The following TNXB variants were observed in gnomAD, a reference collection of about 807,000 sequenced individuals.
TNXB encodes the protein tenascin-X.
In TNXB, 183 loss-of-function variants were observed where a neutral mutation model predicts 340.5. That is an observed-to-expected ratio of 0.54 (90% CI 0.48 to 0.61). The LOEUF is 0.61. Among genes scored for constraint, TNXB ranks in the 20% least tolerant of loss-of-function variants. The probability of loss-of-function intolerance (pLI) is 0.00; values close to 1 mark genes in which losing one functional copy is unlikely to be tolerated. For missense variants in TNXB, 4,613 were observed against 5,446.4 expected (o/e 0.85, Z 4.82); for synonymous variants, 2,121 against 2,314.5 (o/e 0.92, Z 2.40).
chr6:32,050,462 C>T lies in TNXB; in HGVS notation c.9116-141G>A, dbSNP rs2982580. Reference sequence around the variant, plus strand: ...CAGCACAGCTCTTCATCCTCTCCTCCCCTGCGGCCTTTCCTATCCCTCACC... The same window carrying T: ...CAGCACAGCTCTTCATCCTCTCCTCTCCTGCGGCCTTTCCTATCCCTCACC... On this transcript the variant is annotated intron_variant, in intron 26 of 43. Transcript: ENST00000644971. The T allele has an allele frequency of 4.2e-3, 4,819 of 1,147,430 alleles. 140 individuals carry two copies. The East Asian group carries it at 0.075, about 18-fold the overall frequency. The allele number at this position is 1,147,430 out of a possible 1,614,324, so 71.1% of individuals were successfully genotyped here.
In TNXB at chr6:32,072,253, A is replaced by T; in HGVS notation, c.4727T>A (p.Leu1576Gln). 6.2e-7 allele frequency: 1 copy of T among 1,608,558 alleles called. No homozygotes were observed. Among genetic ancestry groups the T allele is most frequent in the South Asian group, 1.1e-5 (1 of 90,116 alleles). ...APATEASKPP[L>Q]EPRLGELTVT... ...TGTCAGCTCCCCTAGGCGTGGCTCC[A>T]GGGGAGGCTTGGAGGCCTCTGTGGC... The change falls in exon 13 of 44, where the codon CTG becomes CAG. Residue 1576 changes from leucine (L) to glutamine (Q), a missense_variant. By Grantham distance (113) the Leu-to-Gln change is moderately radical (BLOSUM62 -2). Transcript: ENST00000644971. This position sits in a 1 kb window ranked among gnomAD's most constrained non-coding sequence, Gnocchi z 4.4.
Position 32,058,471 on chromosome 6 carries a change from C to A in TNXB, c.7493-81G>T. On this transcript the variant is annotated intron_variant, in intron 21 of 43. Coordinates refer to ENST00000644971, the MANE Select transcript of TNXB (RefSeq NM_001365276.2). The surrounding 1 kb of genome is among the most constrained non-coding windows in gnomAD (Gnocchi z 5.1). Reference sequence around the variant, plus strand: ...GCTGGTGCTGTCAACAGAGGTCATACATCAAATGTGCCCCTCCAGAGCAGG... The same window carrying A: ...GCTGGTGCTGTCAACAGAGGTCATAAATCAAATGTGCCCCTCCAGAGCAGG... The A allele has an allele frequency of 8.1e-7, 1 of 1,227,140 alleles. No homozygotes were observed. The highest frequency in any genetic ancestry group is 1.6e-5 in the South Asian group (1 of 62,864). The allele number at this position is 1,227,140 out of a possible 1,614,324, so 76.0% of individuals were successfully genotyped here. A position where few individuals can be genotyped will look rare whatever the true frequency, so the allele number is the denominator to read the frequency against.
chr6:32,058,234 T>C lies in TNXB; in HGVS notation c.7649A>G (p.Asp2550Gly). ...GTCCTTGTACTGCACGGTGAAGGAG[T>C]CAAAGCGGCCCTGGGGGACGGTCCA... The part of the protein sequence containing the change: ...LSWTVPQGRF[D>G]SFTVQYKDRD... Residue 2550 changes from aspartate to glycine, a missense_variant, in exon 22 of 44, where the codon GAC becomes GGC. This residue lies in a region of TNXB where 4,327 missense variants were observed against 4,859.4 expected (regional missense o/e 0.89). Transcript: ENST00000644971. The surrounding 1 kb of genome is among the most constrained non-coding windows in gnomAD (Gnocchi z 5.1). The C allele has an allele frequency of 1.2e-6, 2 of 1,611,848 alleles. No homozygotes were observed. Among genetic ancestry groups the C allele is most frequent in the African/African-American group, 2.7e-5 (2 of 74,730 alleles).
In TNXB at chr6:32,041,395, A is replaced by G. The variant is rs1776374068; in HGVS notation, c.12689T>C (p.Met4230Thr). ...GFEFSVPFTE[M>T]KLRPRNFRSP... ...GCGAAAGTTTCTTGGTCTCAGCTTC[A>G]TTTCCGTGAAGGGCACCGAGAACTC... Residue 4230 changes from methionine (M) to threonine (T), a missense_variant, in exon 44 of 44, where the codon ATG becomes ACG. Physicochemically the swap from Met to Thr is moderately conservative, Grantham distance 81 (BLOSUM62 -1). Around this residue, in one of 7 missense-constraint regions of TNXB, gnomAD observed 18 missense variants for 60.7 expected, o/e 0.30. Transcript: ENST00000644971. 1 of 1,122,810 alleles carries G rather than the reference A, an allele frequency of 8.9e-7. No homozygotes were observed. Among genetic ancestry groups the G allele is most frequent in the Middle Eastern group, 2.1e-4 (1 of 4,674 alleles). The allele number at this position is 1,122,810 out of a possible 1,614,324, so 69.6% of individuals were successfully genotyped here. A position where few individuals can be genotyped will look rare whatever the true frequency, so the allele number is the denominator to read the frequency against.
At position 32,087,793 on chromosome 6, in the gene TNXB, A is replaced by G; in HGVS notation, c.2779+992T>C. On this transcript the variant is annotated intron_variant, in intron 6 of 43. Transcript: ENST00000644971. This position sits in a 1 kb window ranked among gnomAD's most constrained non-coding sequence, Gnocchi z 9.0. ...CTGCACCGTGCCGCGGAAACGGCTC[A>G]GCTCGGCCGTCAGGTTGCCCCAAGG... 1 of 510,802 alleles carries G rather than the reference A, an allele frequency of 2.0e-6. No individual in the cohort carries two copies. The highest frequency in any genetic ancestry group is 3.9e-6 in the Non-Finnish European group (1 of 257,272). 31.6% of individuals were successfully genotyped at this position (510,802 alleles called of 1,614,324 possible). A position where few individuals can be genotyped will look rare whatever the true frequency, so the allele number is the denominator to read the frequency against.
chr6:32,089,072 T>G lies in TNXB; in HGVS notation c.2516-24A>C. 1 of 1,600,748 alleles carries G rather than the reference T, an allele frequency of 6.2e-7. No homozygotes were observed. The highest frequency in any genetic ancestry group is 1.1e-5 in the South Asian group (1 of 89,754). On this transcript the variant is annotated intron_variant, in intron 5 of 43. Coordinates refer to ENST00000644971, the MANE Select transcript of TNXB (RefSeq NM_001365276.2). This position sits in a 1 kb window ranked among gnomAD's most constrained non-coding sequence, Gnocchi z 6.2. ...CACTAGCCAGGTTAAAGAGGAGGAC[T>G]CAGGTGGGTGTCTGGTTCTTCAATC...
chr6:32,053,343 G>A (rs761782486), intron 25 of TNXB, 45 bp downstream of exon 25: 1 of 1,589,162 alleles, frequency 6.3e-7, no homozygotes, highest in Non-Finnish European at 8.6e-7. Flanking sequence ...GAGAAAGGGA[G>A]ACCCTCCCAC....
Position 32,049,237 on chromosome 6 carries a change from A to G in TNXB, c.9757+33T>C. 1.3e-6 allele frequency: 2 copies of G among 1,593,140 alleles called. No individual in the cohort carries two copies. Among genetic ancestry groups the G allele is most frequent in the Non-Finnish European group, 1.7e-6 (2 of 1,167,718 alleles). On this transcript the variant is annotated intron_variant, in intron 28 of 43. Coordinates refer to ENST00000644971, the MANE Select transcript of TNXB (RefSeq NM_001365276.2). The surrounding 1 kb of genome is among the most constrained non-coding windows in gnomAD (Gnocchi z 4.5). The stretch of plus-strand genomic sequence containing the variant: ...GAAACACAAGGGGGCTGCAGAGGTA[A>G]ACCTGGGGACGAGGGCCTGTCCCCC...
Position 32,087,674 on chromosome 6 carries a change from G to A in TNXB, c.2779+1111C>T. On this transcript the variant is annotated intron_variant, in intron 6 of 43. Coordinates refer to ENST00000644971, the MANE Select transcript of TNXB (RefSeq NM_001365276.2). This position sits in a 1 kb window ranked among gnomAD's most constrained non-coding sequence, Gnocchi z 9.0. ...GCTGGGGCGGCGGCCAACAGACGCC[G>A]CTGCAAGTATTCATGGATGTGGCGC... is the stretch of plus-strand genomic sequence containing the variant. 2.2e-6 allele frequency: 1 copy of A among 446,852 alleles called. No individual in the cohort carries two copies. Among genetic ancestry groups the A allele is most frequent in the Non-Finnish European group, 4.5e-6 (1 of 223,042 alleles). The allele number at this position is 446,852 out of a possible 1,614,324, so 27.7% of individuals were successfully genotyped here.
At position 32,096,791 on chromosome 6, in the gene TNXB, G is replaced by C; in HGVS notation, c.1062C>G (p.Asp354Glu). The change falls in exon 3 of 44, where the codon GAC becomes GAG. Residue 354 changes from aspartate to glutamate, a missense_variant. Transcript: ENST00000644971. ...ACCCGGGCCAGCACACGCAGCGGCC[G>C]TCCACGCAGCGCCCGCCCTCGCCAC... ...WDCGEGGRCV[D>E]GRCVCWPGYT... The C allele has an allele frequency of 6.3e-7, 1 of 1,578,880 alleles. No individual in the cohort carries two copies.
Position 32,050,322 on chromosome 6 carries a change from C to A in TNXB, c.9116-1G>T. ...GTGGTCTCGGCTTCATCCTTTGGAG[C>A]TGGACAGACACGTGTGGGGACAGTG... On this transcript the variant is annotated splice_acceptor_variant, in intron 26 of 43. Coordinates refer to ENST00000644971, the MANE Select transcript of TNXB (RefSeq NM_001365276.2). LOFTEE classifies it high-confidence loss of function. The A allele has an allele frequency of 2.5e-6, 4 of 1,612,226 alleles. No homozygotes were observed. Among genetic ancestry groups the A allele is most frequent in the Non-Finnish European group, 3.4e-6 (4 of 1,179,118 alleles).
rs750600772 is a variant in TNXB at position 32,068,629 on chromosome 6, G to A, written c.5981C>T (p.Thr1994Ile). The A allele has an allele frequency of 3.3e-5, 54 of 1,613,826 alleles. No individual in the cohort carries two copies. Among genetic ancestry groups the A allele is most frequent in the Non-Finnish European group, 4.2e-5 (49 of 1,179,898 alleles). Residue 1994 changes from threonine (T) to isoleucine (I), a missense_variant, in exon 17 of 44, where the codon ACC (threonine) becomes ATC (isoleucine). Around this residue, in one of 7 missense-constraint regions of TNXB, gnomAD observed 4,327 missense variants for 4,859.4 expected, o/e 0.89. Coordinates refer to ENST00000644971, the MANE Select transcript of TNXB (RefSeq NM_001365276.2). This position sits in a 1 kb window ranked among gnomAD's most constrained non-coding sequence, Gnocchi z 5.3. ...PPIKPRLGELTVTDATPDSLS... is the reference protein window; with the variant it reads ...PPIKPRLGELIVTDATPDSLS... Reference sequence around the variant, plus strand: ...GGAGTCAGGGGTGGCATCTGTCACGGTCAGCTCCCCCAGGCGAGGCTTGAT... The same window carrying A: ...GGAGTCAGGGGTGGCATCTGTCACGATCAGCTCCCCCAGGCGAGGCTTGAT...
intron 26 of TNXB, among the ~76,000 whole-genome samples, chr6:32,050,668 T>C (rs888506383): frequency 5.3e-5 from 8 of 152,132 alleles, no homozygotes; most frequent in Admixed American, 1.3e-4. Flanking sequence ...GTCTTTGCTC[T>C]GCAACAAGCT....
In TNXB at chr6:32,087,879, TGGCCTCGAGGGCCAAGGGGGCCGTGGG is replaced by T. The variant is rs749356389; in HGVS notation, c.2779+879_2779+905del. 2.8e-6 allele frequency: 1 copy of T among 355,138 alleles called. No homozygotes were observed. Among genetic ancestry groups the T allele is most frequent in the South Asian group, 2.0e-5 (1 of 49,014 alleles). 22.0% of individuals were successfully genotyped at this position (355,138 alleles called of 1,614,324 possible). ...GGGACTCCTCCTCCCTTTCCTCTGC[TGGCCTCGAGGGCCAAGGGGGCCGTGGG>T]GGCCGCGGGGCTGGGGCTGGCCGGG... is the stretch of plus-strand genomic sequence containing the variant. On this transcript the variant is annotated intron_variant, in intron 6 of 43. Transcript: ENST00000644971. The surrounding 1 kb of genome is among the most constrained non-coding windows in gnomAD (Gnocchi z 9.0).
At position 32,097,179 on chromosome 6, in the gene TNXB, C is replaced by A; in HGVS notation, c.674G>T (p.Arg225Leu). 1 of 1,596,248 alleles carries A rather than the reference C, an allele frequency of 6.3e-7. No individual in the cohort carries two copies. Among genetic ancestry groups the A allele is most frequent in the Non-Finnish European group, 8.5e-7 (1 of 1,172,006 alleles). The change falls in exon 3 of 44, where the codon CGT becomes CTT. Residue 225 changes from arginine to leucine, a missense_variant. Arg to Leu is a moderately radical substitution (Grantham distance 102). Coordinates refer to ENST00000644971, the MANE Select transcript of TNXB (RefSeq NM_001365276.2). The surrounding 1 kb of genome is among the most constrained non-coding windows in gnomAD (Gnocchi z 5.9). ...ACACACGCCCTGCACGCAGCGCCCA[C>A]GGCCTTGGCAGTCCCCGGGACAGGA... ...WPSCPGDCQG[R>L]GRCVQGVCVC...
At chr6:32,091,919 C>G (rs1293767999) in intron 4 of TNXB, among the ~76,000 whole-genome samples, 1 of 152,226 alleles carries the variant, frequency 6.6e-6, no homozygotes, top group Non-Finnish European at 1.5e-5. Context: ...AAAAACTTCT[C>G]TGAGGCTGTG....
In TNXB at chr6:32,056,141, A is replaced by G. The variant is rs1439968007; in HGVS notation, c.8177T>C (p.Leu2726Pro). The G allele has an allele frequency of 2.5e-6, 4 of 1,612,346 alleles. No individual in the cohort carries two copies. The highest frequency in any genetic ancestry group is 1.7e-5 in the Admixed American group (1 of 60,018). The part of the protein sequence containing the change: ...AEEETPSPTE[L>P]STEAPEPPEE... ...AGGGGGCTCCGGGGCCTCAGTGCTG[A>G]GTTCCGTGGGGCTGGGGGTCTCTTC... Residue 2726 changes from leucine (L) to proline (P), a missense_variant, in exon 24 of 44, where the codon CTC (leucine) becomes CCC (proline). Physicochemically the swap from Leu to Pro is moderately conservative, Grantham distance 98. Transcript: ENST00000644971.
In TNXB at chr6:32,081,247, G is replaced by A; in HGVS notation, c.4042+121C>T. On this transcript the variant is annotated intron_variant, in intron 10 of 43. Coordinates refer to ENST00000644971, the MANE Select transcript of TNXB (RefSeq NM_001365276.2). The surrounding 1 kb of genome is among the most constrained non-coding windows in gnomAD (Gnocchi z 5.1). ...GAGAGCAGTGCGGGAGGAAGTGGGTGGAGGCTTTGGCAAAATGAGCTGAGA... is the reference window on the plus strand; with the variant it reads ...GAGAGCAGTGCGGGAGGAAGTGGGTAGAGGCTTTGGCAAAATGAGCTGAGA... 1.0e-6 allele frequency: 1 copy of A among 984,852 alleles called. No homozygotes were observed. The highest frequency in any genetic ancestry group is 1.5e-6 in the Non-Finnish European group (1 of 674,454). 61.0% of individuals were successfully genotyped at this position (984,852 alleles called of 1,614,324 possible). A position where few individuals can be genotyped will look rare whatever the true frequency, so the allele number is the denominator to read the frequency against.
At chr6:32,055,222 T>C (rs1777553536) in intron 24 of TNXB, among the ~76,000 whole-genome samples, 1 of 152,180 alleles carries the variant, frequency 6.6e-6, no homozygotes, top group Admixed American at 6.5e-5. Flanking sequence ...CCCAGTTCCT[T>C]AACAATCTCT....
Sources: gnomAD v4.1 joint callset for allele counts (sites outside exome capture counted in the v4.1 genomes callset) on GRCh38, gnomAD v4.1.1 for gene constraint, gnomAD v4.1.1 regional missense constraint, Gnocchi (gnomAD v3.1) non-coding constraint, MANE v1.5 for transcripts, NCBI Gene and HGNC (gene_info 2026-07-23, HGNC 2026-07-21) for gene names.